Variants in SFI1 observed in about 807,000 individuals in gnomAD.
SFI1 encodes the protein protein SFI1 homolog.
In SFI1, 195 loss-of-function variants were observed where a neutral mutation model predicts 207.5. That is an observed-to-expected ratio of 0.94 (90% CI 0.84 to 1.06). SFI1 has a LOEUF of 1.06. SFI1 is among the 50% of genes least tolerant of loss of function. The probability of loss-of-function intolerance (pLI) is 0.00; values close to 1 mark genes in which losing one functional copy is unlikely to be tolerated. For missense variants in SFI1, 1,634 were observed against 1,588.0 expected (o/e 1.03, Z -0.49); for synonymous variants, 630 against 598.9 (o/e 1.05, Z -0.76).
In SFI1 at chr22:31,575,391, C is replaced by T; in HGVS notation, c.1083C>T (p.His361=). The part of the protein sequence containing the change: ...ALRRAFTHWK[H]YMLLCAEEAA... ...GGCGCGCCTTTACTCACTGGAAACA[C>T]TGTATCCTTTCAGATACTCAGGCTG... The change falls in exon 10 of 33, where the codon CAC becomes CAT. Residue 361 remains histidine, a splice_region_variant and synonymous_variant. Coordinates refer to ENST00000400288, the MANE Select transcript of SFI1 (RefSeq NM_001007467.3). 1 of 1,600,744 alleles carries T rather than the reference C, an allele frequency of 6.2e-7. No individual in the cohort carries two copies. Among genetic ancestry groups the T allele is most frequent in the Admixed American group, 1.7e-5 (1 of 58,684 alleles).
At chr22:31,531,408 C>G (rs1439227366) in intron 4 of SFI1, among the ~76,000 whole-genome samples, 2 of 152,074 alleles carry the variant, frequency 1.3e-5, no homozygotes, top group African/African-American at 2.4e-5. Context: ...TAGCTAGCTA[C>G]TGTGGCCTTC....
chr22:31,611,277 C>T lies in SFI1; in HGVS notation c.2389C>T (p.His797Tyr), dbSNP rs1406641879. Residue 797 changes from histidine to tyrosine, a missense_variant, in exon 23 of 33, where the codon CAC (histidine) becomes TAC (tyrosine). By Grantham distance (83) the His-to-Tyr change is moderately conservative. Coordinates refer to ENST00000400288, the MANE Select transcript of SFI1 (RefSeq NM_001007467.3). ...GGAGGGGCTGGCCCGGTGGAAGACGCACCATCTGCAGTGTGTCAGGAAGAG... is the reference window on the plus strand; with the variant it reads ...GGAGGGGCTGGCCCGGTGGAAGACGTACCATCTGCAGTGTGTCAGGAAGAG... ...LLEGLARWKT[H>Y]HLQCVRKRLL... The T allele has an allele frequency of 1.2e-6, 2 of 1,609,952 alleles. No homozygotes were observed. Among genetic ancestry groups the T allele is most frequent in the Non-Finnish European group, 1.7e-6 (2 of 1,177,844 alleles).
intron 12 of SFI1, among the ~76,000 whole-genome samples, chr22:31,583,378 G>C (rs953425679): frequency 1.3e-5 from 2 of 152,192 alleles, no homozygotes; most frequent in Non-Finnish European, 2.9e-5. Flanking sequence ...GCCTCCCAAA[G>C]TGCTGGGATT....
At chr22:31,594,820 A>G (rs568124152) in intron 15 of SFI1, among the ~76,000 whole-genome samples, 2 of 131,870 alleles carry the variant, frequency 1.5e-5, no homozygotes, top group Admixed American at 8.7e-5. Flanking sequence ...ACACCACTGC[A>G]CTCTAGCCTG....
At chr22:31,505,059 GTAA>G (rs1383770244) in intron 1 of SFI1, among the ~76,000 whole-genome samples, 4 of 151,818 alleles carry the variant, frequency 2.6e-5, no homozygotes, top group East Asian at 3.9e-4. Context: ...AAGAAAAATA[GTAA>G]TAATAATAAT....
Position 31,613,541 on chromosome 22 carries a change from G to T in SFI1, c.2742+11G>T. 6.3e-7 allele frequency: 1 copy of T among 1,582,928 alleles called. No individual in the cohort carries two copies. On this transcript the variant is annotated intron_variant, in intron 26 of 32. Coordinates refer to ENST00000400288, the MANE Select transcript of SFI1 (RefSeq NM_001007467.3). ...CAGCAGCAGGTCCAGGTAGGCCCAG[G>T]GCCCCTTCCTGTGGGGAGCAGGCAG...
chr22:31,598,940 C>T lies in SFI1; in HGVS notation c.1545-3272C>T, dbSNP rs564019393. Among the ~76,000 whole-genome samples the T allele has an allele frequency of 9.5e-4, 143 of 149,938 alleles. 1 individual carries two copies. Among genetic ancestry groups the T allele is most frequent in the African/African-American group, 3.3e-3 (135 of 40,800 alleles). Reference sequence around the variant, plus strand: ...TCCTGAGTAGCTGGGATTACAAGCGCACACCACCACGACCAGCTAATTTTT... The same window carrying T: ...TCCTGAGTAGCTGGGATTACAAGCGTACACCACCACGACCAGCTAATTTTT... On this transcript the variant is annotated intron_variant, in intron 15 of 32. Coordinates refer to ENST00000400288, the MANE Select transcript of SFI1 (RefSeq NM_001007467.3).
intron 8 of SFI1, among the ~76,000 whole-genome samples, chr22:31,563,327 C>T (rs1359380058): frequency 3.3e-5 from 5 of 151,870 alleles, no homozygotes; most frequent in Admixed American, 3.3e-4. Flanking sequence ...CAGTATTGTG[C>T]TGAATAGACT....
At chr22:31,603,074 A>C (rs1313167695) in intron 17 of SFI1, among the ~76,000 whole-genome samples, 1 of 152,186 alleles carries the variant, frequency 6.6e-6, no homozygotes, top group Non-Finnish European at 1.5e-5. Flanking sequence ...TCTATTAATA[A>C]TACAAAAATT....
chr22:31,583,843 T>A (rs779196025), intron 12 of SFI1, 32 bp from the exon 13 acceptor site: 1 of 1,581,698 alleles, frequency 6.3e-7, no homozygotes, highest in South Asian at 1.1e-5. Context: ...TTCATCTCAG[T>A]ACATTTCCAT....
At chr22:31,535,559 A>G (rs886364516) in intron 4 of SFI1, among the ~76,000 whole-genome samples, 2 of 151,172 alleles carry the variant, frequency 1.3e-5, no homozygotes, top group Non-Finnish European at 2.9e-5. Context: ...GCTGGAGTGC[A>G]GTGGCGCGAT....
At chr22:31,551,825 TG>T (rs1182156021) in intron 6 of SFI1, among the ~76,000 whole-genome samples, 1 of 152,232 alleles carries the variant, frequency 6.6e-6, no homozygotes, top group Non-Finnish European at 1.5e-5. Flanking sequence ...CTACTTGCTC[TG>T]CATCCTCTTG....
intron 31 of SFI1, among the ~76,000 whole-genome samples, chr22:31,617,689 C>A (rs982899340): frequency 2.6e-5 from 4 of 151,626 alleles, no homozygotes; most frequent in African/African-American, 9.7e-5. Context: ...CCATTGCACT[C>A]CAGCCTGGGC....
intron 10 of SFI1, among the ~76,000 whole-genome samples, chr22:31,576,020 AC>A (rs2063443268): frequency 6.6e-6 from 1 of 151,756 alleles, no homozygotes; most frequent in Non-Finnish European, 1.5e-5. Context: ...ACTCCTGTGT[AC>A]ATATTCTTTT....
chr22:31,515,528 A>G (rs544131517), intron 2 of SFI1, among the ~76,000 whole-genome samples: 1 of 126,366 alleles, frequency 7.9e-6, no homozygotes, highest in African/African-American at 3.1e-5. Context: ...ACAAATATGC[A>G]TCACTGTGCC....
chr22:31,556,303 A>G lies in SFI1; in HGVS notation c.545-639A>G, dbSNP rs540096938. ...AATGGCGTGATCTCAGCTCACTGCA[A>G]CCTCTCCCTCCCAGGTTTAGCAATT... On this transcript the variant is annotated intron_variant, in intron 6 of 32. Transcript: ENST00000400288. Among the ~76,000 whole-genome samples the G allele has an allele frequency of 3.5e-3, 532 of 151,200 alleles. 1 individual carries two copies. Among genetic ancestry groups the G allele is most frequent in the African/African-American group, 0.012 (487 of 41,206 alleles).
chr22:31,591,382 C>A (rs533845797), intron 15 of SFI1, among the ~76,000 whole-genome samples: 1 of 152,194 alleles, frequency 6.6e-6, no homozygotes, highest in Admixed American at 6.5e-5. Context: ...CACACAGACA[C>A]GGCAACCATC....
chr22:31,552,946 T>C (rs2148051743), intron 6 of SFI1, among the ~76,000 whole-genome samples: 1 of 151,990 alleles, frequency 6.6e-6, no homozygotes, highest in East Asian at 2.0e-4. Context: ...CTGGGCCAAG[T>C]AATCCTCCCA....
At chr22:31,585,175 T>C in intron 14 of SFI1, 41 bp downstream of exon 14, 1 of 1,528,648 alleles carries the variant, frequency 6.5e-7, no homozygotes, top group Non-Finnish European at 9.0e-7. Context: ...CTGGCTTACA[T>C]TCTTGGACCC....
Sources: allele counts gnomAD v4.1 joint callset (sites outside exome capture counted in the v4.1 genomes callset), GRCh38; gene constraint gnomAD v4.1.1; transcripts MANE v1.5; gene names NCBI Gene and HGNC (gene_info 2026-07-23, HGNC 2026-07-21).